The following AGBL4 variants were observed in gnomAD, a reference collection of about 807,000 sequenced individuals.
The protein encoded by AGBL4 is cytosolic carboxypeptidase 6.
In AGBL4, 58 loss-of-function variants were observed where a neutral mutation model predicts 66.4. The ratio of observed to expected loss-of-function variants is 0.87; its 90% CI spans 0.71 to 1.09. AGBL4 has a LOEUF of 1.09. Among genes scored for constraint, AGBL4 ranks in the 50% least tolerant of loss-of-function variants. AGBL4 has a pLI of 0.00. For missense variants in AGBL4, 579 were observed against 631.0 expected (o/e 0.92, Z 0.88); for synonymous variants, 234 against 222.9 (o/e 1.05, Z -0.44).
intron 6 of AGBL4, among the ~76,000 whole-genome samples, chr1:48,755,598 G>A (rs980372945): frequency 1.2e-4 from 19 of 152,332 alleles, no homozygotes; most frequent in African/African-American, 4.6e-4. Flanking sequence ...GAAGCCGAGA[G>A]TCAAACAAGG....
chr1:49,333,625 A>G (rs544353617), intron 3 of AGBL4, among the ~76,000 whole-genome samples: 27 of 152,220 alleles, frequency 1.8e-4, no homozygotes, highest in Non-Finnish European at 3.5e-4. Flanking sequence ...TATTTAAAAA[A>G]TAAATAAAAG....
chr1:49,945,788 A>G (rs1655151775), intron 1 of AGBL4, among the ~76,000 whole-genome samples: 3 of 152,106 alleles, frequency 2.0e-5, no homozygotes, highest in African/African-American at 4.8e-5. Flanking sequence ...ATAAGAATTC[A>G]TCAACTAACA....
At chr1:49,079,310 C>G (rs1644764965) in intron 4 of AGBL4, among the ~76,000 whole-genome samples, 1 of 152,090 alleles carries the variant, frequency 6.6e-6, no homozygotes, top group African/African-American at 2.4e-5. Context: ...AAAGAAATAC[C>G]TGAAACTGGG....
chr1:48,571,127 T>C (rs1355878824), intron 11 of AGBL4, among the ~76,000 whole-genome samples: 2 of 152,212 alleles, frequency 1.3e-5, no homozygotes, highest in Non-Finnish European at 2.9e-5. Flanking sequence ...ACCACAACCC[T>C]GAAAAGTTTG....
intron 3 of AGBL4, among the ~76,000 whole-genome samples, chr1:49,284,732 G>GA (rs1644364198): frequency 6.6e-6 from 1 of 151,836 alleles, no homozygotes; most frequent in African/African-American, 2.4e-5. Context: ...CCTAGTCTCT[G>GA]ATAAAACACA....
intron 1 of AGBL4, among the ~76,000 whole-genome samples, chr1:49,867,128 G>A (rs1646720757): frequency 6.6e-6 from 1 of 152,096 alleles, no homozygotes; most frequent in Non-Finnish European, 1.5e-5. Flanking sequence ...CCTTTAGGAT[G>A]CTGTCTGTGA....
At chr1:49,896,601 C>A (rs921891864) in intron 1 of AGBL4, among the ~76,000 whole-genome samples, 1 of 121,994 alleles carries the variant, frequency 8.2e-6, no homozygotes, top group Non-Finnish European at 1.7e-5. Flanking sequence ...AGAAACAGAC[C>A]CATGAAAACA....
intron 1 of AGBL4, among the ~76,000 whole-genome samples, chr1:50,019,263 T>TTC (rs71059571): frequency 2.1e-3 from 174 of 83,664 alleles, no homozygotes; most frequent in Middle Eastern, 8.2e-3. Flanking sequence ...AAAAAAAATA[T>TTC]TCTCTCTCTC....
At chr1:49,544,113 C>T (rs1570990922) in intron 3 of AGBL4, among the ~76,000 whole-genome samples, 1 of 152,254 alleles carries the variant, frequency 6.6e-6, no homozygotes. Flanking sequence ...ATAAATGCCC[C>T]GTTTTCACTG....
intron 3 of AGBL4, among the ~76,000 whole-genome samples, chr1:49,434,674 A>G (rs141691155): frequency 3.5e-5 from 5 of 143,308 alleles, no homozygotes; most frequent in Non-Finnish European, 7.7e-5. Flanking sequence ...TGGTGGTGGT[A>G]GTGGTGGTAG....
chr1:49,527,537 G>A (rs1351158861), intron 3 of AGBL4: 5 of 152,564 alleles, frequency 3.3e-5, no homozygotes, highest in Admixed American at 6.6e-5. Flanking sequence ...CTATCACAGG[G>A]GCCTACTTCT....
intron 3 of AGBL4, among the ~76,000 whole-genome samples, chr1:49,662,593 G>A (rs546318489): frequency 7.3e-4 from 111 of 152,214 alleles, no homozygotes; most frequent in African/African-American, 2.6e-3. Flanking sequence ...AGAGAGTTAC[G>A]TTATGCCTCA....
rs915597785 is a variant in AGBL4 at position 49,543,341 on chromosome 1, T to C, written c.282+153972A>G. The stretch of plus-strand genomic sequence containing the variant: ...TGTGTTCTAGTCCCTGCTCTACTCC[T>C]TATTAGTCCCTTCTCTATTCCTTAC... On this transcript the variant is annotated intron_variant, in intron 3 of 13. Transcript: ENST00000371839. 2.0e-5 allele frequency among the ~76,000 whole-genome samples: 3 copies of C among 152,274 alleles called. No individual in the cohort carries two copies. The South Asian group carries it at 6.2e-4, about 32-fold the overall frequency.
intron 5 of AGBL4, among the ~76,000 whole-genome samples, chr1:48,871,051 A>G (rs1389776190): frequency 6.6e-6 from 1 of 152,212 alleles, no homozygotes; most frequent in Non-Finnish European, 1.5e-5. Flanking sequence ...GAGATTGCCA[A>G]TGAAAACTAT....
intron 4 of AGBL4, among the ~76,000 whole-genome samples, chr1:49,175,727 T>C (rs1295831413): frequency 1.3e-5 from 2 of 152,160 alleles, no homozygotes; most frequent in Non-Finnish European, 2.9e-5. Context: ...CTGACCAGGG[T>C]CTACAGGGTA....
intron 4 of AGBL4, among the ~76,000 whole-genome samples, chr1:49,079,375 G>A (rs1373885356): frequency 6.6e-6 from 1 of 152,138 alleles, no homozygotes; most frequent in African/African-American, 2.4e-5. Context: ...GCCTGGGGAG[G>A]CCTCAGGAAA....
At chr1:48,643,240 C>T (rs1645785694) in intron 8 of AGBL4, among the ~76,000 whole-genome samples, 1 of 152,156 alleles carries the variant, frequency 6.6e-6, no homozygotes, top group Admixed American at 6.5e-5. Context: ...ATGATAGGGC[C>T]TGTGAGCTAA....
chr1:49,422,140 T>G (rs1645560266), intron 3 of AGBL4, among the ~76,000 whole-genome samples: 1 of 152,208 alleles, frequency 6.6e-6, no homozygotes, highest in East Asian at 1.9e-4. Flanking sequence ...ATAGACTTTT[T>G]TAGACCAATT....
At chr1:50,008,777 A>T (rs1253737218) in intron 1 of AGBL4, among the ~76,000 whole-genome samples, 1 of 152,124 alleles carries the variant, frequency 6.6e-6, no homozygotes, top group Non-Finnish European at 1.5e-5. Flanking sequence ...AGAAGAAAAG[A>T]CAAGTCTCAA....
Sources: gnomAD v4.1 joint callset for allele counts (sites outside exome capture counted in the v4.1 genomes callset) on GRCh38, gnomAD v4.1.1 for gene constraint, MANE v1.5 for transcripts, NCBI Gene and HGNC (gene_info 2026-07-23, HGNC 2026-07-21) for gene names.